Variants in ARSL observed in about 807,000 individuals in gnomAD.
ARSL encodes arylsulfatase E (chondrodysplasia punctata 1).
A neutral mutation model predicts 31.1 loss-of-function variants in ARSL; 4 were observed. The ratio of observed to expected loss-of-function variants is 0.13; its 90% CI spans 0.06 to 0.29. The LOEUF (loss-of-function observed/expected upper bound fraction) is 0.29. ARSL is among the 10% of genes least tolerant of loss of function. The probability of loss-of-function intolerance (pLI) is 1.00; values close to 1 mark genes in which losing one functional copy is unlikely to be tolerated. For missense variants in ARSL, 312 were observed against 497.8 expected, an observed-to-expected ratio of 0.63 and a Z score of 3.55; for synonymous variants, 198 against 209.9, an observed-to-expected ratio of 0.94 and a Z score of 0.49.
upstream of ARSL, among the ~76,000 whole-genome samples, chrX:2,967,673 C>T (rs1366577421): frequency 6.2e-5 from 7 of 112,436 alleles, no homozygotes. Flanking sequence ...GACGAGGAAA[C>T]ACCCATGCAA....
chrX:2,942,945 T>C (rs2089300058), intron 8 of ARSL, 120 bp downstream of exon 8: 3 of 1,027,939 alleles, frequency 2.9e-6, no homozygotes, highest in African/African-American at 1.8e-5. Context: ...TTGCCCTGGA[T>C]AGGAAAAATC....
intron 2 of ARSL, among the ~76,000 whole-genome samples, chrX:2,960,065 C>T (rs1336899726): frequency 2.0e-4 from 21 of 103,728 alleles, no homozygotes; most frequent in South Asian, 1.8e-3. Flanking sequence ...GTCAGGAGAT[C>T]GAGACCATCC....
At chrX:2,966,485 T>C (rs1037727721), upstream of ARSL, among the ~76,000 whole-genome samples, 1 of 107,572 alleles carries the variant, frequency 9.3e-6, no homozygotes, top group Non-Finnish European at 1.9e-5. Context: ...ACATAAAATA[T>C]GTAAATAAGG....
intron 1 of ARSL, 50 bp from the exon 2 acceptor site, chrX:2,960,470 T>A: frequency 8.6e-7 from 1 of 1,165,305 alleles, no homozygotes. Flanking sequence ...GAAATTGACC[T>A]GATTATAAAT....
rs1490279573 is a variant in ARSL at position 2,960,420 on chromosome X, C to T, written c.-20G>A. On this transcript the variant is annotated splice_region_variant and 5_prime_UTR_variant, in exon 2 of 11. Coordinates refer to ENST00000381134, the MANE Select transcript of ARSL (RefSeq NM_000047.3). ...TAACATGTTGTCTCTCTCTCTACTT[C>T]CTGTAAGACATAAAGATGTCCACAA... The T allele has an allele frequency of 3.3e-6, 4 of 1,206,044 alleles. No individual in the cohort carries two copies. The Admixed American group carries it at 6.5e-5, about 20-fold the overall frequency.
chrX:2,958,256 T>C lies in ARSL; in HGVS notation c.185+18A>G, dbSNP rs1229381369. The C allele has an allele frequency of 2.7e-5, 33 of 1,210,437 alleles. No homozygotes were observed. Among genetic ancestry groups the C allele is most frequent in the Non-Finnish European group, 3.7e-5 (33 of 894,913 alleles). On this transcript the variant is annotated intron_variant, in intron 3 of 10. Coordinates refer to ENST00000381134, the MANE Select transcript of ARSL (RefSeq NM_000047.3). ...GTCTGCATTGGGGGCACCAGGTGAG[T>C]AATTCTCTGTCCCTTGCCTCATGGT...
chrX:2,938,998 A>C (rs1289623871), intron 8 of ARSL, among the ~76,000 whole-genome samples: 1 of 106,968 alleles, frequency 9.3e-6, no homozygotes, highest in South Asian at 4.1e-4. Context: ...CCCCTAGAGC[A>C]TCCAGAAAGA....
chrX:2,938,959 C>A (rs1419168399), intron 8 of ARSL, among the ~76,000 whole-genome samples: 3 of 110,037 alleles, frequency 2.7e-5, no homozygotes, highest in African/African-American at 9.9e-5. Flanking sequence ...CTGGAGCCCC[C>A]GGTAACTGGG....
In ARSL at chrX:2,960,071, C is replaced by T. The variant is rs1251851331; in HGVS notation, c.23+307G>A. Among the ~76,000 whole-genome samples the T allele has an allele frequency of 1.1e-4, 11 of 103,757 alleles. No individual in the cohort carries two copies. The Admixed American group carries it at 1.1e-3, about 11-fold the overall frequency. The allele number at this position is 103,757 out of a possible 115,157, so 90.1% of individuals were successfully genotyped here. A position where few individuals can be genotyped will look rare whatever the true frequency, so the allele number is the denominator to read the frequency against. ...GATCACGAGGTCAGGAGATCGAGACCATCCTGGCTAACACGGTGAAACCCC... is the reference window on the plus strand; with the variant it reads ...GATCACGAGGTCAGGAGATCGAGACTATCCTGGCTAACACGGTGAAACCCC... On this transcript the variant is annotated intron_variant, in intron 2 of 10. Coordinates refer to ENST00000381134, the MANE Select transcript of ARSL (RefSeq NM_000047.3).
intron 2 of ARSL, chrX:2,959,910 A>G: frequency 3.5e-6 from 1 of 285,880 alleles, no homozygotes; most frequent in South Asian, 1.9e-4. Context: ...AGGAAAAAAA[A>G]TAAAGAAGGG....
chrX:2,940,024 C>T (rs921243189), intron 8 of ARSL, among the ~76,000 whole-genome samples: 2 of 108,889 alleles, frequency 1.8e-5, no homozygotes, highest in East Asian at 2.9e-4. Context: ...TGCACCACCA[C>T]GCCTGGCTAA....
At chrX:2,935,827 G>A (rs12847425) in intron 10 of ARSL, among the ~76,000 whole-genome samples, 33 of 109,650 alleles carry the variant, frequency 3.0e-4, no homozygotes, top group African/African-American at 1.1e-3. Context: ...ACAGGAGTGC[G>A]CCTGTAATTG....
chrX:2,958,312 G>A lies in ARSL; in HGVS notation c.147C>T (p.Gly49=), dbSNP rs759860527. The A allele has an allele frequency of 1.3e-5, 16 of 1,211,876 alleles. No individual in the cohort carries two copies. Among genetic ancestry groups the A allele is most frequent in the Admixed American group, 2.2e-5 (1 of 46,033 alleles). Residue 49 remains glycine, a synonymous_variant, in exon 3 of 11, where the codon GGC becomes GGT. Transcript: ENST00000381134. ...TGCCATAGCAGCCAATGTCCCCAAT[G>A]CCAAGGTCGTCCGCCATCAGAAGAA... The part of the protein sequence containing the change: ...NILLLMADDL[G]IGDIGCYGNN...
chrX:2,953,120 A>G (rs777536734), intron 5 of ARSL, 23 bp downstream of exon 5: 2 of 1,203,089 alleles, frequency 1.7e-6, no homozygotes, highest in Non-Finnish European at 2.2e-6. Flanking sequence ...TCATGTGCTT[A>G]CCACTTTTAA....
intron 1 of ARSL, among the ~76,000 whole-genome samples, chrX:2,960,747 A>G (rs1373948177): frequency 1.8e-5 from 2 of 111,448 alleles, no homozygotes; most frequent in African/African-American, 6.5e-5. Flanking sequence ...AAGTGATGAG[A>G]GAATCCCAGT....
intron 7 of ARSL, among the ~76,000 whole-genome samples, chrX:2,944,659 C>G (rs1295065350): frequency 9.2e-6 from 1 of 109,168 alleles, no homozygotes; most frequent in Non-Finnish European, 1.9e-5. Context: ...CACCTAAACC[C>G]TGCGGTTCCT....
intron 2 of ARSL, chrX:2,959,816 G>T (rs2089579577): frequency 2.3e-6 from 2 of 879,863 alleles, no homozygotes; most frequent in Admixed American, 4.3e-5. Flanking sequence ...AGCACGTTGG[G>T]AGGCCAAGGT....
chrX:2,962,988 G>A (rs771574426), intron 1 of ARSL, among the ~76,000 whole-genome samples: 1 of 111,775 alleles, frequency 8.9e-6, no homozygotes, highest in South Asian at 3.8e-4. Context: ...TTTCCAGACC[G>A]AATCAATGCA....
chrX:2,953,628 C>T (rs913274061), intron 4 of ARSL, among the ~76,000 whole-genome samples: 3 of 112,037 alleles, frequency 2.7e-5, no homozygotes, highest in African/African-American at 6.5e-5. Flanking sequence ...TCAATGTCCA[C>T]TGCAGTCTCA....
Sources: allele counts gnomAD v4.1 joint callset (sites outside exome capture counted in the v4.1 genomes callset), GRCh38; gene constraint gnomAD v4.1.1; transcripts MANE v1.5; gene names NCBI Gene and HGNC (gene_info 2026-07-23, HGNC 2026-07-21).